Variants in GBE1 observed in about 807,000 individuals in gnomAD.
The protein encoded by GBE1 is 1,4-alpha-glucan-branching enzyme.
GBE1 carries 70 observed loss-of-function variants against 88.8 expected under a neutral mutation model. That is an observed-to-expected ratio of 0.79 (90% CI 0.65 to 0.96). The LOEUF (loss-of-function observed/expected upper bound fraction) is 0.96. Among genes scored for constraint, GBE1 ranks in the 40% least tolerant of loss-of-function variants. The probability of loss-of-function intolerance (pLI) is 0.00; values close to 1 mark genes in which losing one functional copy is unlikely to be tolerated. For missense variants in GBE1, 872 were observed against 871.0 expected (o/e 1.00, Z -0.01); for synonymous variants, 284 against 300.1 (o/e 0.95, Z 0.56).
intron 14 of GBE1, among the ~76,000 whole-genome samples, chr3:81,511,737 G>A (rs1702727720): frequency 6.6e-6 from 1 of 151,954 alleles, no homozygotes; most frequent in South Asian, 2.1e-4. Flanking sequence ...CTGTTGGTGG[G>A]AAGTAAATTA....
chr3:81,750,589 G>A lies in GBE1; in HGVS notation c.143+10786C>T, dbSNP rs1309429645. Among the ~76,000 whole-genome samples the A allele has an allele frequency of 9.1e-4, 28 of 30,800 alleles. 5 individuals carry two copies. Among genetic ancestry groups the A allele is most frequent in the Middle Eastern group, 0.033 (2 of 60 alleles). 20.2% of individuals were successfully genotyped at this position (30,800 alleles called of 152,430 possible). On this transcript the variant is annotated intron_variant, in intron 1 of 15. Transcript: ENST00000429644. Reference sequence around the variant, plus strand: ...TATATATATATACGTATATATATACGTATATATATATGTGTATATATATAT... The same window carrying A: ...TATATATATATACGTATATATATACATATATATATATGTGTATATATATAT...
intron 1 of GBE1, among the ~76,000 whole-genome samples, chr3:81,757,919 G>C (rs1706625732): frequency 6.6e-6 from 1 of 152,118 alleles, no homozygotes. Flanking sequence ...AATGATCCCA[G>C]GGAAGAACCT....
intron 14 of GBE1, among the ~76,000 whole-genome samples, chr3:81,501,145 C>T (rs1463126395): frequency 6.6e-6 from 1 of 152,148 alleles, no homozygotes; most frequent in Non-Finnish European, 1.5e-5. Context: ...TAGACCCAAA[C>T]ATTTAATGTG....
intron 1 of GBE1, among the ~76,000 whole-genome samples, chr3:81,724,032 T>TG (rs759438301): frequency 1.1e-3 from 165 of 152,276 alleles, no homozygotes; most frequent in Non-Finnish European, 1.7e-3. Flanking sequence ...CCCTTTAACT[T>TG]GCTACTAGAA....
At chr3:81,642,657 A>G (rs1164721249) in intron 7 of GBE1, 124 bp downstream of exon 7, 1 of 668,796 alleles carries the variant, frequency 1.5e-6, no homozygotes, top group Non-Finnish European at 2.6e-6. Flanking sequence ...TACAACAAAA[A>G]TAAATCCAAT....
Position 81,750,674 on chromosome 3 carries a change from CGTATATAT to C in GBE1, c.143+10693_143+10700del, listed in dbSNP as rs1559708992. On this transcript the variant is annotated intron_variant, in intron 1 of 15. Coordinates refer to ENST00000429644, the MANE Select transcript of GBE1 (RefSeq NM_000158.4). ...ATATATATATGTATATATATATATA[CGTATATAT>C]ATATATATATATGTATTTTTTTTTT... Among the ~76,000 whole-genome samples the C allele has an allele frequency of 1.2e-3, 63 of 54,422 alleles. 4 individuals are homozygous for C. In the East Asian group the frequency reaches 0.026, roughly 22 times the overall value. 35.7% of individuals were successfully genotyped at this position (54,422 alleles called of 152,430 possible).
intron 14 of GBE1, among the ~76,000 whole-genome samples, chr3:81,529,116 G>C (rs1043432419): frequency 6.6e-6 from 1 of 151,828 alleles, no homozygotes; most frequent in Admixed American, 6.6e-5. Context: ...TCTATCTGTG[G>C]TAGGCTTTTT....
intron 7 of GBE1, among the ~76,000 whole-genome samples, chr3:81,595,471 C>T (rs1335618894): frequency 6.6e-6 from 1 of 151,768 alleles, no homozygotes; most frequent in East Asian, 1.9e-4. Flanking sequence ...TGTCCCCAAG[C>T]ATATATCGAT....
At chr3:81,644,876 G>A (rs1007754298) in intron 6 of GBE1, among the ~76,000 whole-genome samples, 1 of 152,162 alleles carries the variant, frequency 6.6e-6, no homozygotes, top group African/African-American at 2.4e-5. Flanking sequence ...CAGATGGCTA[G>A]ATTTTTTAAT....
Position 81,761,361 on chromosome 3 carries a change from G to A in GBE1, c.143+14C>T. The stretch of plus-strand genomic sequence containing the variant: ...CTGCCTGTCTAAGTGGGGGTGGTGG[G>A]ATTCCGGCGGTACCTGCGCTGGAAG... On this transcript the variant is annotated intron_variant, in intron 1 of 15. Coordinates refer to ENST00000429644, the MANE Select transcript of GBE1 (RefSeq NM_000158.4). The A allele has an allele frequency of 4.4e-6, 7 of 1,602,084 alleles. No homozygotes were observed. Among genetic ancestry groups the A allele is most frequent in the Non-Finnish European group, 6.0e-6 (7 of 1,171,878 alleles).
intron 7 of GBE1, chr3:81,612,455 C>T (rs1704196228): frequency 2.0e-6 from 2 of 993,140 alleles, no homozygotes; most frequent in Non-Finnish European, 3.1e-6. Context: ...TATCCTGTAA[C>T]CTGATTTAAT....
chr3:81,643,095 T>G, intron 6 of GBE1, 105 bp from the exon 7 acceptor site: 2 of 753,612 alleles, frequency 2.7e-6, no homozygotes, highest in Non-Finnish European at 4.5e-6. Context: ...ACTTTAAATA[T>G]CCAAACAGCA....
intron 3 of GBE1, among the ~76,000 whole-genome samples, chr3:81,667,422 T>C (rs1330080680): frequency 6.6e-6 from 1 of 152,180 alleles, no homozygotes; most frequent in African/African-American, 2.4e-5. Flanking sequence ...CTCTTCCTTT[T>C]TGAATACCCT....
chr3:81,568,999 A>C (rs1703535090), intron 12 of GBE1, among the ~76,000 whole-genome samples: 1 of 152,118 alleles, frequency 6.6e-6, no homozygotes, highest in African/African-American at 2.4e-5. Context: ...CAAAATATGA[A>C]TTGACATTTT....
intron 1 of GBE1, among the ~76,000 whole-genome samples, chr3:81,734,197 AAAAT>A (rs1481230724): frequency 1.3e-5 from 2 of 152,316 alleles, no homozygotes; most frequent in East Asian, 1.9e-4. Context: ...GTATGTGTGT[AAAAT>A]AAATACACTA....
At chr3:81,627,031 C>T (rs929589294) in intron 7 of GBE1, among the ~76,000 whole-genome samples, 1 of 152,056 alleles carries the variant, frequency 6.6e-6, no homozygotes, top group African/African-American at 2.4e-5. Context: ...TTATATGGAA[C>T]GAAGAGCTAT....
intron 3 of GBE1, among the ~76,000 whole-genome samples, chr3:81,657,755 A>T (rs191554156): frequency 2.6e-5 from 4 of 152,278 alleles, no homozygotes; most frequent in Admixed American, 1.3e-4. Context: ...TAAAGTTCAT[A>T]TATTTTAGAA....
intron 7 of GBE1, among the ~76,000 whole-genome samples, chr3:81,596,114 T>C (rs1703953739): frequency 1.3e-5 from 2 of 151,966 alleles, no homozygotes; most frequent in Non-Finnish European, 2.9e-5. Flanking sequence ...GACAAAATTT[T>C]ATGAGAGTAA....
intron 1 of GBE1, among the ~76,000 whole-genome samples, chr3:81,735,667 T>C (rs183753029): frequency 1.9e-4 from 29 of 152,340 alleles, no homozygotes; most frequent in Non-Finnish European, 4.3e-4. Context: ...TTTTCAAAAG[T>C]CTGGGCTTTT....
Sources: allele counts gnomAD v4.1 joint callset (sites outside exome capture counted in the v4.1 genomes callset), GRCh38; gene constraint gnomAD v4.1.1; transcripts MANE v1.5; gene names NCBI Gene and HGNC (gene_info 2026-07-23, HGNC 2026-07-21).